The following KCNK3 variants were observed in gnomAD, a reference collection of about 807,000 sequenced individuals.
KCNK3 encodes the protein potassium channel subfamily K member 3.
A neutral mutation model predicts 27.3 loss-of-function variants in KCNK3; 9 were observed. That is an observed-to-expected ratio of 0.33 (90% CI 0.20 to 0.57). The LOEUF (loss-of-function observed/expected upper bound fraction) is 0.57, where lower values mean the gene tolerates loss of function less well. Ranked by LOEUF, KCNK3 falls within the 20% of genes least tolerant of loss-of-function variation. KCNK3 has a pLI of 0.87. For synonymous variants in KCNK3, 278 were observed against 273.8 expected (o/e 1.02, Z -0.15); for missense variants, 391 against 577.7 (o/e 0.68, Z 3.31).
chr2:26,703,787 G>T (rs1403432598), intron 1 of KCNK3, among the ~76,000 whole-genome samples: 1 of 152,230 alleles, frequency 6.6e-6, no homozygotes, highest in Non-Finnish European at 1.5e-5. Context: ...CCAAAGAAGG[G>T]TCTGAGAAGG....
chr2:26,710,630 C>T (rs1663094078), intron 1 of KCNK3, among the ~76,000 whole-genome samples: 1 of 152,114 alleles, frequency 6.6e-6, no homozygotes, highest in African/African-American at 2.4e-5. Context: ...CAGCCTGGCT[C>T]CCCTTCCCTA....
intron 1 of KCNK3, among the ~76,000 whole-genome samples, chr2:26,697,349 AC>A (rs1423481487): frequency 5.3e-5 from 8 of 152,170 alleles, no homozygotes; most frequent in African/African-American, 1.9e-4. Flanking sequence ...TACTAAAAAT[AC>A]AAAAATTAGC....
At chr2:26,694,535 C>G (rs1184795574) in intron 1 of KCNK3, among the ~76,000 whole-genome samples, 1 of 152,170 alleles carries the variant, frequency 6.6e-6, no homozygotes, top group East Asian at 1.9e-4. Flanking sequence ...CCATGGGGAG[C>G]TATGCTGTGT....
chr2:26,696,730 A>G (rs1267378475), intron 1 of KCNK3, among the ~76,000 whole-genome samples: 1 of 152,152 alleles, frequency 6.6e-6, no homozygotes, highest in Non-Finnish European at 1.5e-5. Context: ...CCCAAGCCTC[A>G]TCTATTCATA....
intron 1 of KCNK3, among the ~76,000 whole-genome samples, chr2:26,694,168 G>C (rs898689511): frequency 6.6e-6 from 1 of 152,136 alleles, no homozygotes; most frequent in East Asian, 1.9e-4. Flanking sequence ...CCCTTCCCCT[G>C]TCTGGGTCTC....
Position 26,728,236 on chromosome 2 carries a change from G to A in KCNK3, c.853G>A (p.Ala285Thr), listed in dbSNP as rs768231464. 2 of 1,573,196 alleles carry A rather than the reference G, an allele frequency of 1.3e-6. No homozygotes were observed. Among genetic ancestry groups the A allele is most frequent in the Admixed American group, 1.8e-5 (1 of 54,922 alleles). ...TGGCAGCGCGCACACTACGGACACC[G>A]CCTCATCCACGGCGGCAGCGGGCGG... ...GGGSAHTTDTASSTAAAGGGG... is the reference protein window; with the variant it reads ...GGGSAHTTDTTSSTAAAGGGG... Residue 285 changes from alanine to threonine, a missense_variant, in exon 2 of 2, where the codon GCC becomes ACC. Ala to Thr is a moderately conservative substitution (Grantham distance 58). Transcript: ENST00000302909.
intron 1 of KCNK3, among the ~76,000 whole-genome samples, chr2:26,726,314 T>C (rs1475720686): frequency 1.3e-5 from 2 of 152,066 alleles, no homozygotes; most frequent in Non-Finnish European, 2.9e-5. Context: ...TAGCTCTATG[T>C]AGTTGGGGAT....
chr2:26,713,165 G>A (rs1663156543), intron 1 of KCNK3, among the ~76,000 whole-genome samples: 1 of 152,218 alleles, frequency 6.6e-6, no homozygotes, highest in Non-Finnish European at 1.5e-5. Flanking sequence ...GAGGGCAGAA[G>A]ATGCCATTCT....
intron 1 of KCNK3, among the ~76,000 whole-genome samples, chr2:26,708,744 G>A (rs1452976188): frequency 6.6e-6 from 1 of 152,196 alleles, no homozygotes; most frequent in African/African-American, 2.4e-5. Context: ...CACTGGAAGG[G>A]TCTAAGTGGG....
At chr2:26,726,686 C>T (rs1304922468) in intron 1 of KCNK3, among the ~76,000 whole-genome samples, 2 of 152,008 alleles carry the variant, frequency 1.3e-5, no homozygotes, top group South Asian at 4.1e-4. Context: ...GGGTCATTTT[C>T]CCTCCAGTTA....
chr2:26,700,873 C>T (rs1022316051), intron 1 of KCNK3, among the ~76,000 whole-genome samples: 3 of 152,208 alleles, frequency 2.0e-5, no homozygotes, highest in Non-Finnish European at 4.4e-5. Flanking sequence ...TGGTGTACCT[C>T]AGTCCTCCCA....
intron 1 of KCNK3, among the ~76,000 whole-genome samples, chr2:26,708,477 C>G (rs560973386): frequency 6.6e-6 from 1 of 152,218 alleles, no homozygotes; most frequent in African/African-American, 2.4e-5. Context: ...AGTTTGAGAC[C>G]AGCCTGGCCA....
chr2:26,693,205 G>T lies in KCNK3; in HGVS notation c.283+47G>T. On this transcript the variant is annotated intron_variant, in intron 1 of 1. Coordinates refer to ENST00000302909, the MANE Select transcript of KCNK3 (RefSeq NM_002246.3). This position sits in a 1 kb window ranked among gnomAD's most constrained non-coding sequence, Gnocchi z 5.5. ...GGCGGGAACCCAGGGCTGGGCGCGG[G>T]GCTCCGGGAGTCGTCCGGGGCCGGC... is the stretch of plus-strand genomic sequence containing the variant. The T allele has an allele frequency of 1.4e-6, 2 of 1,405,518 alleles. No homozygotes were observed. Among genetic ancestry groups the T allele is most frequent in the Non-Finnish European group, 1.9e-6 (2 of 1,059,876 alleles). The allele number at this position is 1,405,518 out of a possible 1,614,324, so 87.1% of individuals were successfully genotyped here.
At chr2:26,717,506 C>T (rs536457348) in intron 1 of KCNK3, among the ~76,000 whole-genome samples, 4 of 152,324 alleles carry the variant, frequency 2.6e-5, no homozygotes, top group African/African-American at 9.6e-5. Flanking sequence ...CAGCCATCCG[C>T]GAAGAGGGCC....
chr2:26,728,037 G>A lies in KCNK3; in HGVS notation c.654G>A (p.Pro218=), dbSNP rs34292597. The A allele has an allele frequency of 6.2e-7, 1 of 1,614,174 alleles. No homozygotes were observed. Residue 218 remains proline (P), a synonymous_variant, in exon 2 of 2, where the codon CCG becomes CCA. Coordinates refer to ENST00000302909, the MANE Select transcript of KCNK3 (RefSeq NM_002246.3). ...LQKDQALQTQ[P]QYVAFSFVYI... is the part of the protein sequence containing the mutation. ...AGGACCAGGCCCTGCAGACGCAGCCGCAGTACGTGGCCTTCAGCTTCGTCT... is the reference window on the plus strand; with the variant it reads ...AGGACCAGGCCCTGCAGACGCAGCCACAGTACGTGGCCTTCAGCTTCGTCT...
chr2:26,723,015 G>A (rs1361428786), intron 1 of KCNK3, among the ~76,000 whole-genome samples: 1 of 152,190 alleles, frequency 6.6e-6, no homozygotes, highest in South Asian at 2.1e-4. Flanking sequence ...CTGCCTCCTA[G>A]CCCCATGCTC....
At chr2:26,726,701 G>A (rs1047180725) in intron 1 of KCNK3, among the ~76,000 whole-genome samples, 1 of 141,044 alleles carries the variant, frequency 7.1e-6, no homozygotes, top group African/African-American at 2.6e-5. Flanking sequence ...CAGTTAGCCG[G>A]AAGAATTCTC....
At position 26,732,399 on chromosome 2, in the gene KCNK3, A is replaced by G. The variant is rs1346780875; in HGVS notation, c.*3831A>G. On this transcript the variant is annotated 3_prime_UTR_variant, in exon 2 of 2. Coordinates refer to ENST00000302909, the MANE Select transcript of KCNK3 (RefSeq NM_002246.3). ...TAATGGTTTAATACCTGCAGATTGA[A>G]ATATACTGGAGAAATAAAGAGAGTG... 1 of 152,242 alleles carries G rather than the reference A, an allele frequency of 6.6e-6. No individual in the cohort carries two copies. Among genetic ancestry groups the G allele is most frequent in the Admixed American group, 6.5e-5 (1 of 15,288 alleles). 9.4% of individuals were successfully genotyped at this position (152,242 alleles called of 1,614,324 possible). A position where few individuals can be genotyped will look rare whatever the true frequency, so the allele number is the denominator to read the frequency against.
intron 1 of KCNK3, 32 bp from the exon 2 acceptor site, chr2:26,727,635 T>C (rs780919399): frequency 1.3e-6 from 2 of 1,511,454 alleles, no homozygotes; most frequent in Admixed American, 4.6e-5. Flanking sequence ...CCAAAATGTG[T>C]GCTTTTTCTC....
Sources: gnomAD v4.1 joint callset for allele counts (sites outside exome capture counted in the v4.1 genomes callset) on GRCh38, gnomAD v4.1.1 for gene constraint, Gnocchi (gnomAD v3.1) non-coding constraint, MANE v1.5 for transcripts, NCBI Gene and HGNC (gene_info 2026-07-23, HGNC 2026-07-21) for gene names.